The following FAM178B variants were observed in gnomAD, a reference collection of about 807,000 sequenced individuals.
The protein encoded by FAM178B is family with sequence similarity 178 member B, also known as protein FAM178B.
FAM178B carries 82 observed loss-of-function variants against 91.7 expected under a neutral mutation model. That is an observed-to-expected ratio of 0.89 (90% CI 0.75 to 1.07). The LOEUF (loss-of-function observed/expected upper bound fraction) is 1.07, where lower values mean the gene tolerates loss of function less well. Ranked by LOEUF, FAM178B falls within the 50% of genes least tolerant of loss-of-function variation. The pLI is 0.00. For missense variants in FAM178B, 769 were observed against 846.7 expected, an observed-to-expected ratio of 0.91 and a Z score of 1.14; for synonymous variants, 368 against 359.4, an observed-to-expected ratio of 1.02 and a Z score of -0.27.
At chr2:96,905,241 T>C (rs990659176) in intron 12 of FAM178B, among the ~76,000 whole-genome samples, 12 of 152,056 alleles carry the variant, frequency 7.9e-5, no homozygotes, top group Admixed American at 5.2e-4. Context: ...TGTTTGTATA[T>C]TGTAGTTCAA....
intron 4 of FAM178B, among the ~76,000 whole-genome samples, chr2:96,968,230 C>G (rs2082171916): frequency 6.6e-6 from 1 of 152,096 alleles, no homozygotes; most frequent in South Asian, 2.1e-4. Flanking sequence ...AGCCCCTCTG[C>G]TCCTGCTCAT....
At chr2:96,982,162 G>T (rs2082370813) in intron 1 of FAM178B, among the ~76,000 whole-genome samples, 2 of 152,024 alleles carry the variant, frequency 1.3e-5, no homozygotes, top group Admixed American at 1.3e-4. Flanking sequence ...TTCACACTTG[G>T]ATCCATAACC....
chr2:96,948,858 A>G (rs1408017025), intron 7 of FAM178B, among the ~76,000 whole-genome samples: 1 of 151,932 alleles, frequency 6.6e-6, no homozygotes, highest in Non-Finnish European at 1.5e-5. Flanking sequence ...AACTGGGTCA[A>G]CTCTAAAGGG....
At chr2:96,885,063 C>A (rs548106787) in intron 14 of FAM178B, among the ~76,000 whole-genome samples, 1 of 152,358 alleles carries the variant, frequency 6.6e-6, no homozygotes, top group East Asian at 1.9e-4. Flanking sequence ...AGGCAAGACA[C>A]CCAATTCTGT....
Position 96,972,619 on chromosome 2 carries a change from G to C in FAM178B, c.74-13C>G. On this transcript the variant is annotated splice_polypyrimidine_tract_variant and intron_variant, in intron 1 of 16. Coordinates refer to ENST00000490605, the MANE Select transcript of FAM178B (RefSeq NM_001122646.3). ...TGGGACATCTGTCCTGGAAGGAAGC[G>C]CCTGTGAGGGCAGGTGAACCTCCAG... is the stretch of plus-strand genomic sequence containing the variant. 1 of 1,550,374 alleles carries C rather than the reference G, an allele frequency of 6.5e-7. No individual in the cohort carries two copies. Among genetic ancestry groups the C allele is most frequent in the Non-Finnish European group, 8.7e-7 (1 of 1,146,580 alleles).
At chr2:96,929,468 A>T in intron 8 of FAM178B, 148 bp from the exon 9 acceptor site, 2 of 647,652 alleles carry the variant, frequency 3.1e-6, no homozygotes, top group Admixed American at 5.9e-5. Context: ...GGGGAAATGA[A>T]GCAACTGGTG....
At chr2:96,961,458 A>G (rs1264769062) in intron 5 of FAM178B, among the ~76,000 whole-genome samples, 1 of 152,204 alleles carries the variant, frequency 6.6e-6, no homozygotes, top group African/African-American at 2.4e-5. Context: ...AGGGAGCAGA[A>G]TCAGAGGGAG....
At chr2:96,958,292 G>C (rs746732463) in intron 6 of FAM178B, among the ~76,000 whole-genome samples, 4 of 152,058 alleles carry the variant, frequency 2.6e-5, no homozygotes, top group South Asian at 2.1e-4. Flanking sequence ...GGATGGTCTC[G>C]ATCTCCTGAC....
chr2:96,921,757 T>G (rs756338694), intron 10 of FAM178B, 103 bp from the exon 11 acceptor site: 19 of 1,207,978 alleles, frequency 1.6e-5, no homozygotes, highest in Non-Finnish European at 2.2e-5. Context: ...GGGATGGTAC[T>G]GTGAGCCCCG....
Position 96,926,565 on chromosome 2 carries a change from C to T in FAM178B, c.1193+2641G>A, listed in dbSNP as rs544712762. On this transcript the variant is annotated intron_variant, in intron 9 of 16. Coordinates refer to ENST00000490605, the MANE Select transcript of FAM178B (RefSeq NM_001122646.3). ...GCCCCTCTGAGGATGCTGATGAGCT[C>T]CCCCACCACCCGCTTCCCATTCATA... 4.6e-5 allele frequency among the ~76,000 whole-genome samples: 7 copies of T among 152,286 alleles called. No individual in the cohort carries two copies. In the South Asian group the frequency reaches 1.5e-3, roughly 32 times the overall value.
chr2:96,969,186 T>C (rs978150705), intron 4 of FAM178B, among the ~76,000 whole-genome samples: 2 of 152,252 alleles, frequency 1.3e-5, no homozygotes, highest in African/African-American at 4.8e-5. Context: ...GAGCCTGGCA[T>C]GGTGCAGCAC....
At chr2:96,983,429 A>T (rs2082386746) in intron 1 of FAM178B, among the ~76,000 whole-genome samples, 1 of 152,100 alleles carries the variant, frequency 6.6e-6, no homozygotes, top group African/African-American at 2.4e-5. Context: ...ACATACATAA[A>T]ATCATATATA....
intron 14 of FAM178B, among the ~76,000 whole-genome samples, chr2:96,880,443 C>T (rs1272628790): frequency 6.6e-6 from 1 of 152,172 alleles, no homozygotes; most frequent in East Asian, 1.9e-4. Flanking sequence ...TGTGGCCACA[C>T]TGGTGTGCTG....
rs769854303 is a variant in FAM178B, at chr2:96,893,941, G to A, written c.1761C>T (p.Ala587=). ...GCTCACTCACCTTGTGGTCTAGCTC[G>A]GCACTAGCCTTTGGCTGTTGCTCCT... ...PCQEQQPKAS[A]ELDHKACYLC... Residue 587 remains alanine, a synonymous_variant, in exon 14 of 17, where the codon GCC becomes GCT. Coordinates refer to ENST00000490605, the MANE Select transcript of FAM178B (RefSeq NM_001122646.3). 1.9e-5 allele frequency: 31 copies of A among 1,612,362 alleles called. No homozygotes were observed. The highest frequency in any genetic ancestry group is 2.5e-5 in the Non-Finnish European group (29 of 1,179,490).
intron 1 of FAM178B, among the ~76,000 whole-genome samples, chr2:96,981,343 C>T (rs565249428): frequency 6.6e-6 from 1 of 152,314 alleles, no homozygotes; most frequent in South Asian, 2.1e-4. Flanking sequence ...CTCACACATG[C>T]ACGTGAACAC....
chr2:96,973,956 T>C (rs910763500), intron 1 of FAM178B, among the ~76,000 whole-genome samples: 2 of 151,590 alleles, frequency 1.3e-5, no homozygotes, highest in East Asian at 1.9e-4. Context: ...TGAGCCAAGA[T>C]TGCACCACTG....
intron 9 of FAM178B, among the ~76,000 whole-genome samples, chr2:96,923,964 G>C (rs902509099): frequency 6.6e-5 from 10 of 152,256 alleles, no homozygotes; most frequent in African/African-American, 2.4e-4. Flanking sequence ...GAGGGAGAGA[G>C]AATATGCCCA....
intron 12 of FAM178B, among the ~76,000 whole-genome samples, chr2:96,912,912 A>G (rs768466699): frequency 6.6e-6 from 1 of 152,032 alleles, no homozygotes; most frequent in Non-Finnish European, 1.5e-5. Context: ...GAAGAATCCA[A>G]CCTGCCCGAG....
At chr2:96,893,732 C>T (rs148310093) in intron 14 of FAM178B, among the ~76,000 whole-genome samples, 194 bp downstream of exon 14, 1 of 152,256 alleles carries the variant, frequency 6.6e-6, no homozygotes, top group African/African-American at 2.4e-5. Context: ...GCACGGGTAA[C>T]AGCACTAATT....
Sources: allele counts gnomAD v4.1 joint callset (sites outside exome capture counted in the v4.1 genomes callset), GRCh38; gene constraint gnomAD v4.1.1; transcripts MANE v1.5; gene names NCBI Gene and HGNC (gene_info 2026-07-23, HGNC 2026-07-21).